SHC3: variants seen among roughly 807,000 people sequenced by gnomAD.
SHC3 encodes SHC adaptor protein 3.
A neutral mutation model predicts 60.4 loss-of-function variants in SHC3; 15 were observed. The ratio of observed to expected loss-of-function variants is 0.25; its 90% CI spans 0.17 to 0.38. The LOEUF (loss-of-function observed/expected upper bound fraction) is 0.38, where lower values mean the gene tolerates loss of function less well. Ranked by LOEUF, SHC3 falls within the 10% of genes least tolerant of loss-of-function variation. The pLI, the probability that SHC3 is intolerant of heterozygous loss-of-function variation, is 1.00. For synonymous variants in SHC3, 294 were observed against 325.9 expected (o/e 0.90, Z 1.05); for missense variants, 677 against 786.1 (o/e 0.86, Z 1.66).
rs1217404481 is a variant in SHC3, at chr9:89,045,611, T to A, written c.1201+135A>T. 10 of 757,426 alleles carry A rather than the reference T, an allele frequency of 1.3e-5. No individual in the cohort carries two copies. In the East Asian group the frequency reaches 2.7e-4, roughly 20 times the overall value. 46.9% of individuals were successfully genotyped at this position (757,426 alleles called of 1,614,324 possible). On this transcript the variant is annotated intron_variant, in intron 9 of 11. Transcript: ENST00000375835. ...TCTATTTCTATAGTCTAGTCAGGAT[T>A]CTATAGCAACACACACAGCACATAT... is the stretch of plus-strand genomic sequence containing the variant.
At chr9:89,169,423 G>A (rs893726506) in intron 1 of SHC3, among the ~76,000 whole-genome samples, 1 of 152,158 alleles carries the variant, frequency 6.6e-6, no homozygotes, top group Non-Finnish European at 1.5e-5. Context: ...AGAACATGGT[G>A]TGCTCTCCAA....
chr9:89,142,742 C>G (rs1290220161), intron 1 of SHC3, among the ~76,000 whole-genome samples: 1 of 151,942 alleles, frequency 6.6e-6, no homozygotes, highest in Non-Finnish European at 1.5e-5. Context: ...TCTAACTCCC[C>G]TAAGTTGGCC....
intron 1 of SHC3, among the ~76,000 whole-genome samples, chr9:89,175,154 T>C (rs1349385296): frequency 6.6e-6 from 1 of 152,262 alleles, no homozygotes; most frequent in Non-Finnish European, 1.5e-5. Flanking sequence ...GCATAGTTCC[T>C]TGTTCTTTCT....
At chr9:89,098,775 C>A (rs1825741544) in intron 2 of SHC3, among the ~76,000 whole-genome samples, 1 of 151,444 alleles carries the variant, frequency 6.6e-6, no homozygotes, top group Non-Finnish European at 1.5e-5. Context: ...TGCGCCACTG[C>A]ACTCCAGCGT....
At chr9:89,066,926 C>A (rs1158124801) in intron 5 of SHC3, among the ~76,000 whole-genome samples, 1 of 152,156 alleles carries the variant, frequency 6.6e-6, no homozygotes, top group Non-Finnish European at 1.5e-5. Flanking sequence ...GTGCTGGGCA[C>A]TTTTCCACAC....
At chr9:89,168,855 GC>G in intron 1 of SHC3, among the ~76,000 whole-genome samples, 1 of 152,260 alleles carries the variant, frequency 6.6e-6, no homozygotes, top group South Asian at 2.1e-4. Flanking sequence ...AAAACAAAAA[GC>G]CTGACCCCTC....
At chr9:89,118,336 G>C (rs1284361052) in intron 1 of SHC3, among the ~76,000 whole-genome samples, 1 of 151,572 alleles carries the variant, frequency 6.6e-6, no homozygotes, top group Non-Finnish European at 1.5e-5. Context: ...CTAAACAATG[G>C]AGCCCAGAAA....
chr9:89,030,856 T>C (rs986198896), intron 11 of SHC3, among the ~76,000 whole-genome samples: 2 of 152,224 alleles, frequency 1.3e-5, no homozygotes, highest in Non-Finnish European at 2.9e-5. Context: ...CCCCACCTTA[T>C]GATTTGGCTT....
intron 11 of SHC3, among the ~76,000 whole-genome samples, chr9:89,018,041 T>G (rs1195584411): frequency 1.3e-5 from 2 of 152,196 alleles, no homozygotes; most frequent in Non-Finnish European, 2.9e-5. Context: ...ACACTGTTGG[T>G]GGGAGTGTAA....
chr9:89,116,709 C>T (rs2118128493), intron 1 of SHC3, among the ~76,000 whole-genome samples: 1 of 152,236 alleles, frequency 6.6e-6, no homozygotes, highest in Non-Finnish European at 1.5e-5. Context: ...TAAATATCGC[C>T]ATCAACATCA....
chr9:89,141,113 T>C (rs1048706159), intron 1 of SHC3, among the ~76,000 whole-genome samples: 2 of 152,032 alleles, frequency 1.3e-5, no homozygotes, highest in African/African-American at 2.4e-5. Flanking sequence ...GAATAACAAA[T>C]GGTAATGGTC....
At chr9:89,164,771 G>A (rs907017066) in intron 1 of SHC3, among the ~76,000 whole-genome samples, 1 of 151,978 alleles carries the variant, frequency 6.6e-6, no homozygotes, top group Non-Finnish European at 1.5e-5. Context: ...AGGATCATAG[G>A]AAAATTTTCT....
At chr9:89,131,278 C>T (rs1229845556) in intron 1 of SHC3, among the ~76,000 whole-genome samples, 2 of 152,038 alleles carry the variant, frequency 1.3e-5, no homozygotes, top group African/African-American at 2.4e-5. Context: ...AGCCTACCAA[C>T]CAAAAAAAGT....
intron 11 of SHC3, among the ~76,000 whole-genome samples, chr9:89,021,644 C>T (rs570492270): frequency 6.6e-6 from 1 of 152,318 alleles, no homozygotes; most frequent in Admixed American, 6.5e-5. Context: ...CTTGGGCCAT[C>T]CCAGGTGAGG....
chr9:89,042,072 C>T lies in SHC3; in HGVS notation c.1314G>A (p.Ala438=), dbSNP rs371880328. The part of the protein sequence containing the change: ...QQIPPQAWPA[A]VSSAESSPRK... ...TTGGGCTGCTCTCAGCACTGCTGAC[C>T]GCAGCCGGCCAGGCCTGTGGTGGGA... Residue 438 remains alanine (A), a synonymous_variant, in exon 10 of 12, where the codon GCG becomes GCA. Coordinates refer to ENST00000375835, the MANE Select transcript of SHC3 (RefSeq NM_016848.6). 8.7e-6 allele frequency: 14 copies of T among 1,607,138 alleles called. No individual in the cohort carries two copies. The highest frequency in any genetic ancestry group is 1.1e-5 in the South Asian group (1 of 89,504).
At chr9:89,036,961 G>A (rs1242412422) in intron 11 of SHC3, among the ~76,000 whole-genome samples, 2 of 41,222 alleles carry the variant, frequency 4.9e-5, no homozygotes, top group African/African-American at 3.0e-4. Context: ...GTACATATAT[G>A]TTAAAAAAAA....
At chr9:89,066,386 T>C (rs902138188) in intron 5 of SHC3, among the ~76,000 whole-genome samples, 2 of 152,212 alleles carry the variant, frequency 1.3e-5, no homozygotes, top group Non-Finnish European at 2.9e-5. Context: ...ATGATCTTAA[T>C]ACTTTAATAT....
chr9:89,053,624 T>A (rs377027491), intron 6 of SHC3, among the ~76,000 whole-genome samples: 20 of 152,162 alleles, frequency 1.3e-4, no homozygotes, highest in African/African-American at 4.1e-4. Context: ...TGGGGGGCAA[T>A]GCAACCCCTT....
At chr9:89,116,769 C>T (rs1227978795) in intron 1 of SHC3, among the ~76,000 whole-genome samples, 2 of 151,964 alleles carry the variant, frequency 1.3e-5, no homozygotes, top group Non-Finnish European at 2.9e-5. Flanking sequence ...AATATGAATA[C>T]CATGAACAAC....
Sources: allele counts gnomAD v4.1 joint callset (sites outside exome capture counted in the v4.1 genomes callset), GRCh38; gene constraint gnomAD v4.1.1; transcripts MANE v1.5; gene names NCBI Gene and HGNC (gene_info 2026-07-23, HGNC 2026-07-21).